Variants in ANTXRL observed in about 807,000 individuals in gnomAD.
ANTXRL encodes the protein anthrax toxin receptor-like.
ANTXRL carries 63 observed loss-of-function variants against 75.4 expected under a neutral mutation model. That is an observed-to-expected ratio of 0.84 (90% CI 0.68 to 1.03). ANTXRL has a LOEUF of 1.03. Ranked by LOEUF, ANTXRL falls within the 50% of genes least tolerant of loss-of-function variation. The probability of loss-of-function intolerance (pLI) is 0.00; values close to 1 mark genes in which losing one functional copy is unlikely to be tolerated. For synonymous variants in ANTXRL, 335 were observed against 291.3 expected (o/e 1.15, Z -1.53); for missense variants, 797 against 789.4 (o/e 1.01, Z -0.12).
chr10:46,305,147 C>G (rs1350193530), intron 10 of ANTXRL, among the ~76,000 whole-genome samples: 2 of 152,174 alleles, frequency 1.3e-5, no homozygotes, highest in African/African-American at 2.4e-5. Context: ...CCACTGAACA[C>G]GCCTCCCCTG....
At chr10:46,321,449 A>C (rs558374583) in intron 16 of ANTXRL, among the ~76,000 whole-genome samples, 2 of 152,154 alleles carry the variant, frequency 1.3e-5, no homozygotes, top group African/African-American at 4.8e-5. Context: ...CAGTCCCAAG[A>C]GTCTGAAGGG....
intron 16 of ANTXRL, among the ~76,000 whole-genome samples, chr10:46,327,057 A>G (rs559112774): frequency 6.6e-6 from 1 of 152,128 alleles, no homozygotes; most frequent in Non-Finnish European, 1.5e-5. Context: ...CCTTCAAGGA[A>G]GGCAGCTTGT....
At chr10:46,294,849 A>C (rs1426546687) in intron 3 of ANTXRL, among the ~76,000 whole-genome samples, 1 of 150,312 alleles carries the variant, frequency 6.7e-6, no homozygotes, top group Non-Finnish European at 1.5e-5. Flanking sequence ...CAGGGCTCTC[A>C]GAGCTCCGGC....
intron 16 of ANTXRL, among the ~76,000 whole-genome samples, chr10:46,324,308 CTCTT>C (rs1402091759): frequency 2.0e-5 from 3 of 152,180 alleles, no homozygotes; most frequent in Admixed American, 6.5e-5. Flanking sequence ...AATGTTGACT[CTCTT>C]TATGAACCGG....
chr10:46,288,420 G>A (rs1836848428), intron 1 of ANTXRL, among the ~76,000 whole-genome samples: 1 of 152,088 alleles, frequency 6.6e-6, no homozygotes, highest in African/African-American at 2.4e-5. Flanking sequence ...CCGGCTTCCT[G>A]TGCTGCACAC....
intron 16 of ANTXRL, among the ~76,000 whole-genome samples, chr10:46,328,962 C>A (rs540119038): frequency 3.0e-4 from 46 of 152,180 alleles, no homozygotes; most frequent in African/African-American, 1.1e-3. Context: ...AGGGTTGCCC[C>A]GATCATGAGC....
rs1554955574 is a variant in ANTXRL, at chr10:46,287,527, G to A, written c.248+17G>A. ...CTTGGACAAGTGAGTGTCCCTTCTA[G>A]CTCTGGCCCTGGGTCACCCTCAGGA... On this transcript the variant is annotated intron_variant, in intron 1 of 16. Transcript: ENST00000620264. 6.5e-7 allele frequency: 1 copy of A among 1,530,498 alleles called. No individual in the cohort carries two copies. The highest frequency in any genetic ancestry group is 1.2e-5 in the South Asian group (1 of 83,506). The allele number at this position is 1,530,498 out of a possible 1,614,324, so 94.8% of individuals were successfully genotyped here.
intron 9 of ANTXRL, among the ~76,000 whole-genome samples, chr10:46,299,278 C>T (rs72790473): frequency 0.17 from 25,067 of 151,908 alleles, 1,781 homozygotes; most frequent in Non-Finnish European, 0.19. Context: ...TTCCATAGCC[C>T]GACAAAGTCG....
rs145473690 is a variant in ANTXRL, at chr10:46,301,052, C to T, written c.797-1670C>T. On this transcript the variant is annotated intron_variant, in intron 9 of 16. Coordinates refer to ENST00000620264, the MANE Select transcript of ANTXRL (RefSeq NM_001278688.3). ...AAATGCTTGCTTGCAATACATAGTC[C>T]TAACACAGCCCAGAATGTAATTTGC... Among the ~76,000 whole-genome samples, 236 of 151,240 alleles carry T rather than the reference C, an allele frequency of 1.6e-3. 1 individual carries two copies. Among genetic ancestry groups the T allele is most frequent in the African/African-American group, 5.3e-3 (218 of 41,080 alleles).
At chr10:46,320,729 C>T (rs1838940053) in intron 16 of ANTXRL, among the ~76,000 whole-genome samples, 1 of 151,758 alleles carries the variant, frequency 6.6e-6, no homozygotes, top group Non-Finnish European at 1.5e-5. Context: ...GAGTCTTTGT[C>T]TCAAAAAAAA....
chr10:46,310,792 C>CT (rs1478300811), intron 14 of ANTXRL, among the ~76,000 whole-genome samples: 1 of 152,084 alleles, frequency 6.6e-6, no homozygotes, highest in African/African-American at 2.4e-5. Context: ...TGTCAAGGAC[C>CT]TTTTGTAAGA....
At chr10:46,309,277 GCC>G (rs10572939) in intron 13 of ANTXRL, 75 bp downstream of exon 13, 913,500 of 1,522,238 alleles carry the variant, frequency 0.6, 270,569 homozygotes, top group African/African-American at 0.82. Flanking sequence ...ACATGTGACT[GCC>G]CCCCGTGATC....
At chr10:46,290,099 C>T (rs11259774) in intron 1 of ANTXRL, among the ~76,000 whole-genome samples, 75,155 of 143,238 alleles carry the variant, frequency 0.52, 20,673 homozygotes, top group Non-Finnish European at 0.65. Context: ...TGGAGTTCAG[C>T]GGCGCGATCT....
Position 46,316,922 on chromosome 10 carries a change from G to A in ANTXRL, c.1410+3606G>A, listed in dbSNP as rs549112064. 1.4e-4 allele frequency among the ~76,000 whole-genome samples: 21 copies of A among 152,224 alleles called. No homozygotes were observed. The East Asian group carries it at 2.9e-3, about 21-fold the overall frequency. On this transcript the variant is annotated intron_variant, in intron 16 of 16. Coordinates refer to ENST00000620264, the MANE Select transcript of ANTXRL (RefSeq NM_001278688.3). ...AGATGTGCACATCAGGTGGATTGGC[G>A]TGTCTCTATGGGTGCTGTGTGAGTG...
intron 12 of ANTXRL, chr10:46,308,526 A>G (rs1838236716): frequency 2.3e-6 from 1 of 440,386 alleles, no homozygotes; most frequent in Non-Finnish European, 4.6e-6. Context: ...GATGCCGCCC[A>G]AGATTCCTTT....
At chr10:46,297,201 G>T in intron 5 of ANTXRL, 51 bp from the exon 6 acceptor site, 2 of 1,458,302 alleles carry the variant, frequency 1.4e-6, no homozygotes, top group South Asian at 1.2e-5. Context: ...AGCTTCTGGA[G>T]GTCACTCCTG....
At position 46,295,712 on chromosome 10, in the gene ANTXRL, C is replaced by T. The variant is rs72472019; in HGVS notation, c.393-307C>T. Among the ~76,000 whole-genome samples the T allele has an allele frequency of 8.0e-3, 1,209 of 151,198 alleles. 76 individuals are homozygous for T. The East Asian group carries it at 0.15, about 19-fold the overall frequency. ...TTAGGGTTAGGTTTAGGAAAGTCAG[C>T]CCCATTGCAGTTCCTGACTCACAGT... On this transcript the variant is annotated intron_variant, in intron 3 of 16. Coordinates refer to ENST00000620264, the MANE Select transcript of ANTXRL (RefSeq NM_001278688.3).
chr10:46,299,949 C>G (rs549563152), intron 9 of ANTXRL, among the ~76,000 whole-genome samples: 4 of 152,298 alleles, frequency 2.6e-5, no homozygotes, highest in African/African-American at 4.8e-5. Context: ...TCTCCTCCCC[C>G]TCGGGGTCTC....
chr10:46,297,735 C>T (rs1837469010), intron 7 of ANTXRL, 96 bp from the exon 8 acceptor site: 1 of 1,150,446 alleles, frequency 8.7e-7, no homozygotes, highest in Non-Finnish European at 1.2e-6. Flanking sequence ...TTCTGCTGCC[C>T]CCAAAGCATG....
Sources: gnomAD v4.1 joint callset for allele counts (sites outside exome capture counted in the v4.1 genomes callset) on GRCh38, gnomAD v4.1.1 for gene constraint, MANE v1.5 for transcripts, NCBI Gene and HGNC (gene_info 2026-07-23, HGNC 2026-07-21) for gene names.